Variants in TMEM178B observed in about 807,000 individuals in gnomAD.
TMEM178B encodes the protein transmembrane protein 178B.
Under a neutral mutation model 31.0 loss-of-function variants are expected in TMEM178B, and 5 were observed. The ratio of observed to expected loss-of-function variants is 0.16; its 90% confidence interval spans 0.08 to 0.34. The LOEUF is 0.34. Ranked by LOEUF, TMEM178B falls within the 10% of genes least tolerant of loss-of-function variation. The pLI is 1.00. For synonymous variants in TMEM178B, 164 were observed against 164.0 expected (o/e 1.00, Z 0.00); for missense variants, 275 against 400.3 (o/e 0.69, Z 2.67).
chr7:141,429,559 G>C (rs1801384959), intron 2 of TMEM178B, among the ~76,000 whole-genome samples: 1 of 152,128 alleles, frequency 6.6e-6, no homozygotes, highest in Admixed American at 6.5e-5. Flanking sequence ...GGAGGGTATG[G>C]GGAGATATTG....
At chr7:141,402,311 T>C (rs550681781) in intron 2 of TMEM178B, among the ~76,000 whole-genome samples, 334 of 152,332 alleles carry the variant, frequency 2.2e-3, no homozygotes, top group African/African-American at 7.6e-3. Flanking sequence ...GTTTTCCCCT[T>C]GTCTGGTGTG....
intron 3 of TMEM178B, among the ~76,000 whole-genome samples, chr7:141,458,620 AT>A (rs930761205): frequency 2.8e-4 from 41 of 148,882 alleles, no homozygotes; most frequent in East Asian, 2.6e-3. Context: ...AACAGGAAAC[AT>A]TTTTTTTTTG....
chr7:141,413,217 G>T (rs1801028364), intron 2 of TMEM178B, among the ~76,000 whole-genome samples: 1 of 152,142 alleles, frequency 6.6e-6, no homozygotes, highest in Admixed American at 6.5e-5. Context: ...ATTGTTTAGG[G>T]TATCTGCGTT....
At chr7:141,337,705 C>T (rs1256243232) in intron 2 of TMEM178B, among the ~76,000 whole-genome samples, 1 of 152,158 alleles carries the variant, frequency 6.6e-6, no homozygotes, top group African/African-American at 2.4e-5. Context: ...GGTATGTTTT[C>T]CTATATAGGT....
intron 2 of TMEM178B, among the ~76,000 whole-genome samples, chr7:141,423,280 C>T (rs921806973): frequency 1.3e-5 from 2 of 152,192 alleles, no homozygotes; most frequent in East Asian, 1.9e-4. Flanking sequence ...TGGCCTGCCT[C>T]GGCCTCCCAA....
intron 2 of TMEM178B, among the ~76,000 whole-genome samples, chr7:141,356,629 A>G (rs983408589): frequency 2.2e-5 from 3 of 138,630 alleles, no homozygotes; most frequent in Non-Finnish European, 3.1e-5. Flanking sequence ...AGACCTTGTC[A>G]GACCATAGTT....
At chr7:141,222,831 GT>G (rs1797277684) in intron 2 of TMEM178B, among the ~76,000 whole-genome samples, 1 of 152,220 alleles carries the variant, frequency 6.6e-6, no homozygotes, top group Non-Finnish European at 1.5e-5. Context: ...TTACTGGCAA[GT>G]GTAGCATATT....
intron 1 of TMEM178B, among the ~76,000 whole-genome samples, chr7:141,075,791 A>G (rs1008223010): frequency 6.6e-6 from 1 of 152,238 alleles, no homozygotes; most frequent in African/African-American, 2.4e-5. Context: ...AGGCCAAGAT[A>G]TAAAAGCAGT....
At chr7:141,507,283 G>A in the TMEM178B span, among the ~76,000 whole-genome samples, 1 of 152,230 alleles carries the variant, frequency 6.6e-6, no homozygotes, top group African/African-American at 2.4e-5. Context: ...CCCTAGCAGA[G>A]GTTCTCTATG....
intron 2 of TMEM178B, among the ~76,000 whole-genome samples, chr7:141,225,105 C>T (rs1238287279): frequency 6.6e-6 from 1 of 152,186 alleles, no homozygotes; most frequent in Admixed American, 6.5e-5. Context: ...GGAATTGAGA[C>T]AAGAGATCTA....
At chr7:141,464,974 C>G (rs556382170) in intron 3 of TMEM178B, among the ~76,000 whole-genome samples, 1 of 152,292 alleles carries the variant, frequency 6.6e-6, no homozygotes, top group East Asian at 1.9e-4. Context: ...GTATTGGAGT[C>G]TGAATGGGAT....
chr7:141,243,717 A>C (rs1797681204), intron 2 of TMEM178B, among the ~76,000 whole-genome samples: 1 of 152,112 alleles, frequency 6.6e-6, no homozygotes, highest in Admixed American at 6.5e-5. Context: ...TCTCGTTCTC[A>C]TTGCCAGCCA....
At chr7:141,190,939 G>A (rs561239994) in intron 1 of TMEM178B, among the ~76,000 whole-genome samples, 1 of 152,194 alleles carries the variant, frequency 6.6e-6, no homozygotes, top group African/African-American at 2.4e-5. Flanking sequence ...GGTATACTGA[G>A]TCCTCACTTA....
the TMEM178B span, among the ~76,000 whole-genome samples, chr7:141,501,419 T>C: frequency 6.6e-6 from 1 of 152,116 alleles, no homozygotes; most frequent in Admixed American, 6.5e-5. Context: ...CTTCTCCTTA[T>C]CTACATGATC....
At chr7:141,427,938 G>C (rs1413446410) in intron 2 of TMEM178B, among the ~76,000 whole-genome samples, 1 of 152,106 alleles carries the variant, frequency 6.6e-6, no homozygotes, top group African/African-American at 2.4e-5. Context: ...ATGGCCAACA[G>C]GTATATACAA....
At position 141,396,329 on chromosome 7, in the gene TMEM178B, A is replaced by G. The variant is rs190271406; in HGVS notation, c.497-41279A>G. On this transcript the variant is annotated intron_variant, in intron 2 of 3. Transcript: ENST00000565468. ...TGTTTCAACATGTTAAAAGAGGCAA[A>G]TACCCTACCACTTTCCCATCGCCCA... 1.3e-3 allele frequency among the ~76,000 whole-genome samples: 202 copies of G among 152,262 alleles called. 2 individuals are homozygous for G. The highest frequency in any genetic ancestry group is 4.7e-3 in the African/African-American group (194 of 41,550).
chr7:141,466,417 A>G (rs1357489622), intron 3 of TMEM178B, among the ~76,000 whole-genome samples: 2 of 152,130 alleles, frequency 1.3e-5, no homozygotes, highest in Non-Finnish European at 2.9e-5. Context: ...CATCAGCCAC[A>G]TCCTTTGTGT....
intron 2 of TMEM178B, among the ~76,000 whole-genome samples, chr7:141,306,035 A>G (rs1798810167): frequency 1.3e-5 from 2 of 152,176 alleles, no homozygotes; most frequent in Non-Finnish European, 2.9e-5. Flanking sequence ...CTAGATCTGT[A>G]TACCACGTAG....
At chr7:141,207,445 A>G (rs1380868213) in intron 1 of TMEM178B, among the ~76,000 whole-genome samples, 1 of 152,138 alleles carries the variant, frequency 6.6e-6, no homozygotes, top group Admixed American at 6.6e-5. Context: ...CCTCGCCAAT[A>G]TGATTTACTT....
Sources: gnomAD v4.1 joint callset for allele counts (sites outside exome capture counted in the v4.1 genomes callset) on GRCh38, gnomAD v4.1.1 for gene constraint, MANE v1.5 for transcripts, NCBI Gene and HGNC (gene_info 2026-07-23, HGNC 2026-07-21) for gene names.